Variants in AGMO observed in about 807,000 individuals in gnomAD.
The protein encoded by AGMO is glyceryl-ether monooxygenase.
In AGMO, 75 loss-of-function variants were observed where a neutral mutation model predicts 60.2. That is an observed-to-expected ratio of 1.25 (90% CI 1.03 to 1.51). The LOEUF (loss-of-function observed/expected upper bound fraction) is 1.51, where lower values mean the gene tolerates loss of function less well. Among genes scored for constraint, AGMO ranks in the 40% most tolerant of loss-of-function variants. The probability of loss-of-function intolerance (pLI) is 0.00; values close to 1 mark genes in which losing one functional copy is unlikely to be tolerated. For synonymous variants in AGMO, 261 were observed against 177.1 expected, an observed-to-expected ratio of 1.47 and a Z score of -3.76; for missense variants, 763 against 525.5, an observed-to-expected ratio of 1.45 and a Z score of -4.42.
At chr7:15,419,244 A>G (rs1229023270) in intron 4 of AGMO, among the ~76,000 whole-genome samples, 1 of 151,958 alleles carries the variant, frequency 6.6e-6, no homozygotes, top group African/African-American at 2.4e-5. Flanking sequence ...TTAAAGGTCC[A>G]TATTACGTAA....
intron 5 of AGMO, among the ~76,000 whole-genome samples, chr7:15,403,620 T>C (rs865973882): frequency 1.3e-5 from 2 of 151,974 alleles, no homozygotes; most frequent in Non-Finnish European, 2.9e-5. Flanking sequence ...AAGAATAAAA[T>C]CCATGAACAC....
chr7:15,352,508 G>A (rs1365775095), intron 12 of AGMO, among the ~76,000 whole-genome samples: 2 of 151,496 alleles, frequency 1.3e-5, no homozygotes, highest in Admixed American at 6.6e-5. Flanking sequence ...GCTTTTCAGA[G>A]GGAACTGGGC....
chr7:15,202,037 C>T (rs888767819), intron 12 of AGMO, among the ~76,000 whole-genome samples: 2 of 152,098 alleles, frequency 1.3e-5, no homozygotes, highest in Non-Finnish European at 2.9e-5. Context: ...ACCTAGGCAC[C>T]GACAATTAAA....
chr7:15,497,292 G>A (rs1053718402), intron 3 of AGMO, among the ~76,000 whole-genome samples: 1 of 151,982 alleles, frequency 6.6e-6, no homozygotes, highest in Non-Finnish European at 1.5e-5. Context: ...TTTGAACAGT[G>A]ACTTGTCAAA....
Position 15,394,386 on chromosome 7 carries a change from G to C in AGMO, c.610-207C>G, listed in dbSNP as rs532030754. Among the ~76,000 whole-genome samples, 474 of 152,246 alleles carry C rather than the reference G, an allele frequency of 3.1e-3. 3 individuals are homozygous for C. The highest frequency in any genetic ancestry group is 0.011 in the African/African-American group (449 of 41,524). On this transcript the variant is annotated intron_variant, in intron 5 of 12. Coordinates refer to ENST00000342526, the MANE Select transcript of AGMO (RefSeq NM_001004320.2). ...AAACTCTATTCTGAGACGTGGCATG[G>C]TGAGTATGGTGTCGTGGTTAAGAGC...
At chr7:15,436,014 T>G (rs992190536) in intron 3 of AGMO, among the ~76,000 whole-genome samples, 1 of 152,086 alleles carries the variant, frequency 6.6e-6, no homozygotes, top group Non-Finnish European at 1.5e-5. Context: ...GGCCAAGAAG[T>G]CTTGGCGCAA....
chr7:15,412,115 A>G (rs906905041), intron 5 of AGMO, among the ~76,000 whole-genome samples: 4 of 152,036 alleles, frequency 2.6e-5, no homozygotes, highest in Admixed American at 1.3e-4. Context: ...TCTGCTTTCT[A>G]TTATTTCATT....
At chr7:15,450,687 A>G (rs1459804166) in intron 3 of AGMO, among the ~76,000 whole-genome samples, 1 of 152,188 alleles carries the variant, frequency 6.6e-6, no homozygotes, top group Admixed American at 6.5e-5. Flanking sequence ...TTCTGGATGC[A>G]TAAAGCTCTT....
chr7:15,261,274 AAGAG>A (rs1190360201), intron 12 of AGMO, among the ~76,000 whole-genome samples: 1 of 152,080 alleles, frequency 6.6e-6, no homozygotes, highest in Non-Finnish European at 1.5e-5. Flanking sequence ...ATTAACCAAA[AAGAG>A]AGACGATCCA....
At position 15,302,033 on chromosome 7, in the gene AGMO, G is replaced by A. The variant is rs1282269662; in HGVS notation, c.1263+63481C>T. Among the ~76,000 whole-genome samples the A allele has an allele frequency of 2.0e-5, 3 of 152,212 alleles. No homozygotes were observed. The East Asian group carries it at 5.8e-4, about 29-fold the overall frequency. On this transcript the variant is annotated intron_variant, in intron 12 of 12. Transcript: ENST00000342526. ...TTATTTACTTAAAATATGTTAAGTG[G>A]ATATAGTATAATGAGATTTGATAAA... is the stretch of plus-strand genomic sequence containing the variant.
At chr7:15,532,466 TG>T (rs1447882591) in intron 3 of AGMO, among the ~76,000 whole-genome samples, 3 of 152,162 alleles carry the variant, frequency 2.0e-5, no homozygotes, top group Admixed American at 6.6e-5. Context: ...AGTTAGTTAT[TG>T]TTTTAATTAA....
rs61751889 is a variant in AGMO at position 15,561,820 on chromosome 7, T to A, written c.26A>T (p.Asp9Val). 2.3e-3 allele frequency: 3,748 copies of A among 1,609,558 alleles called. 91 individuals carry two copies. The African/African-American group carries it at 0.046, about 20-fold the overall frequency. The change falls in exon 1 of 13, where the codon GAT (aspartate) becomes GTT (valine). Residue 9 changes from aspartate (D) to valine (V), a missense_variant. Transcript: ENST00000342526. The part of the protein sequence containing the change: MKNPEAQQ[D>V]VSVSQGFRML... ...GCGAAATCCCTGGGAAACTGAAACATCCTGCTGGGCTTCTGGGTTCTTCAT... is the reference window on the plus strand; with the variant it reads ...GCGAAATCCCTGGGAAACTGAAACAACCTGCTGGGCTTCTGGGTTCTTCAT...
chr7:15,491,501 C>A (rs1258769112), intron 3 of AGMO, among the ~76,000 whole-genome samples: 1 of 152,092 alleles, frequency 6.6e-6, no homozygotes, highest in African/African-American at 2.4e-5. Context: ...ATGTGCCATA[C>A]CACAAAGTAA....
the AGMO span, among the ~76,000 whole-genome samples, chr7:15,129,943 G>A: frequency 2.0e-5 from 3 of 152,210 alleles, no homozygotes; most frequent in African/African-American, 4.8e-5. Flanking sequence ...AGCCATGCTC[G>A]AGTAATCCCA....
chr7:15,531,008 T>C lies in AGMO; in HGVS notation c.409+13764A>G, dbSNP rs549259770. Among the ~76,000 whole-genome samples, 227 of 68,656 alleles carry C rather than the reference T, an allele frequency of 3.3e-3. 48 individuals are homozygous for C. Among genetic ancestry groups the C allele is most frequent in the African/African-American group, 0.012 (186 of 14,998 alleles). The allele number at this position is 68,656 out of a possible 152,430, so 45.0% of individuals were successfully genotyped here. ...TATTCTATATATATTCTATATATTC[T>C]ATATATATTCTATATATTCCATATA... On this transcript the variant is annotated intron_variant, in intron 3 of 12. Transcript: ENST00000342526.
intron 10 of AGMO, among the ~76,000 whole-genome samples, chr7:15,374,889 G>A (rs898137194): frequency 2.6e-5 from 4 of 151,978 alleles, no homozygotes; most frequent in African/African-American, 9.7e-5. Context: ...GCAGAGTGTC[G>A]GTCAAGTCTT....
intron 12 of AGMO, among the ~76,000 whole-genome samples, chr7:15,354,516 A>ACGCG (rs1782443232): frequency 1.2e-5 from 1 of 85,664 alleles, no homozygotes; most frequent in Non-Finnish European, 2.3e-5. Flanking sequence ...ATATATATAT[A>ACGCG]TATATATATA....
At chr7:15,258,761 C>T (rs995268743) in intron 12 of AGMO, among the ~76,000 whole-genome samples, 4 of 152,028 alleles carry the variant, frequency 2.6e-5, no homozygotes, top group African/African-American at 7.2e-5. Flanking sequence ...TCTTTCTAGA[C>T]ACTCGCCAGT....
intron 3 of AGMO, among the ~76,000 whole-genome samples, chr7:15,530,775 ATATATATTCTATATATACATTTCTC>A (rs1241448464): frequency 0.069 from 9,076 of 131,630 alleles, 1,311 homozygotes; most frequent in African/African-American, 0.18. Flanking sequence ...ATACATTTCT[ATATATATTCTATATATACATTTCTC>A]TATATATTCT....
Sources: gnomAD v4.1 joint callset for allele counts (sites outside exome capture counted in the v4.1 genomes callset) on GRCh38, gnomAD v4.1.1 for gene constraint, MANE v1.5 for transcripts, NCBI Gene and HGNC (gene_info 2026-07-23, HGNC 2026-07-21) for gene names.